SGSM2: variants seen among roughly 807,000 people sequenced by gnomAD.
The protein encoded by SGSM2 is small G protein signaling modulator 2.
A neutral mutation model predicts 126.6 loss-of-function variants in SGSM2; 89 were observed. The ratio of observed to expected loss-of-function variants is 0.70; its 90% CI spans 0.59 to 0.84. The LOEUF is 0.84. Ranked by LOEUF, SGSM2 falls within the 40% of genes least tolerant of loss-of-function variation. The pLI is 0.00. For synonymous variants in SGSM2, 614 were observed against 574.3 expected, an observed-to-expected ratio of 1.07 and a Z score of -0.99; for missense variants, 1,404 against 1,416.6, an observed-to-expected ratio of 0.99 and a Z score of 0.14.
In SGSM2 at chr17:2,362,841, G is replaced by A. The variant is rs1211851269; in HGVS notation, c.462G>A (p.Lys154=). ...VVQYLAENCS[K]YYEKEALLAD... is the part of the protein sequence containing the mutation. ...CACACTGTCTGTCTCCTGGCAGCAA[G>A]TACTACGAGAAGGAGGCACTGCTGG... is the stretch of plus-strand genomic sequence containing the variant. Residue 154 remains lysine, a synonymous_variant, in exon 5 of 24, where the codon AAG becomes AAA. Coordinates refer to ENST00000268989, the MANE Select transcript of SGSM2 (RefSeq NM_014853.3). This position sits in a 1 kb window ranked among gnomAD's most constrained non-coding sequence, Gnocchi z 4.9. 1.2e-6 allele frequency: 2 copies of A among 1,614,080 alleles called. No homozygotes were observed. The highest frequency in any genetic ancestry group is 2.7e-5 in the African/African-American group (2 of 75,060).
At chr17:2,343,419 T>C in intron 1 of SGSM2, 126 bp from the exon 2 acceptor site, 1 of 854,008 alleles carries the variant, frequency 1.2e-6, no homozygotes, top group East Asian at 2.4e-5. Flanking sequence ...CTTTCATCCC[T>C]GTCATCTCTG....
rs187387612 is a variant in SGSM2 at position 2,366,369 on chromosome 17, G to A, written c.1289-902G>A. 2.6e-5 allele frequency among the ~76,000 whole-genome samples: 4 copies of A among 152,272 alleles called. No individual in the cohort carries two copies. In the East Asian group the frequency reaches 7.7e-4, roughly 29 times the overall value. ...ACTTGCTTTTCTTACAGATAAGGTC[G>A]GGGAATTTGCCAGCCCAGAGCGTTT... On this transcript the variant is annotated intron_variant, in intron 11 of 23. Coordinates refer to ENST00000268989, the MANE Select transcript of SGSM2 (RefSeq NM_014853.3).
intron 1 of SGSM2, among the ~76,000 whole-genome samples, chr17:2,342,317 T>C (rs1416890281): frequency 6.7e-6 from 1 of 149,576 alleles, no homozygotes; most frequent in Non-Finnish European, 1.5e-5. Flanking sequence ...CCGGCTACTG[T>C]GGAGGCTGAG....
Position 2,379,487 on chromosome 17 carries a change from C to A in SGSM2, c.3123C>A (p.Val1041=). The stretch of plus-strand genomic sequence containing the variant: ...TCCTGCGGATTGCCCGGGACCTCGT[C>A]CACAAGGTGCAGATGCTCATAGAGA... The part of the protein sequence containing the change: ...QEILRIARDL[V]HKVQMLIENK The change falls in exon 24 of 24, where the codon GTC becomes GTA. Residue 1041 remains valine, a synonymous_variant. Transcript: ENST00000268989. The A allele has an allele frequency of 1.2e-6, 2 of 1,613,636 alleles. No homozygotes were observed. The highest frequency in any genetic ancestry group is 1.7e-6 in the Non-Finnish European group (2 of 1,179,772).
chr17:2,374,819 T>A (rs1241673842), intron 17 of SGSM2, among the ~76,000 whole-genome samples: 1 of 152,114 alleles, frequency 6.6e-6, no homozygotes, highest in East Asian at 1.9e-4. Context: ...CTGCCCAAAG[T>A]AGAAACTACT....
Position 2,362,915 on chromosome 17 carries a change from A to C in SGSM2, c.526+10A>C. 1 of 1,614,186 alleles carries C rather than the reference A, an allele frequency of 6.2e-7. No homozygotes were observed. Among genetic ancestry groups the C allele is most frequent in the Non-Finnish European group, 8.5e-7 (1 of 1,180,024 alleles). On this transcript the variant is annotated intron_variant, in intron 5 of 23. Coordinates refer to ENST00000268989, the MANE Select transcript of SGSM2 (RefSeq NM_014853.3). The surrounding 1 kb of genome is among the most constrained non-coding windows in gnomAD (Gnocchi z 4.9). ...CTGGCCTCTCTTCTAGGTGAGCCTG[A>C]GAGCACAGGCACAGTGGGTACGGGG...
At chr17:2,349,057 C>G (rs1430936574) in intron 2 of SGSM2, among the ~76,000 whole-genome samples, 2 of 151,868 alleles carry the variant, frequency 1.3e-5, no homozygotes, top group African/African-American at 2.4e-5. Flanking sequence ...AGCCACCACC[C>G]CACCCCACAT....
intron 2 of SGSM2, 106 bp from the exon 3 acceptor site, chr17:2,361,531 G>T (rs1459509388): frequency 6.4e-6 from 9 of 1,412,284 alleles, no homozygotes; most frequent in Non-Finnish European, 7.8e-6. Flanking sequence ...GCCTGCCCTT[G>T]GCTTGCCCTT....
intron 18 of SGSM2, 117 bp from the exon 19 acceptor site, chr17:2,376,020 C>T: frequency 3.2e-6 from 5 of 1,541,304 alleles, no homozygotes; most frequent in Non-Finnish European, 2.6e-6. Context: ...AGCATCCCCA[C>T]AGGACTCGCT....
chr17:2,352,608 A>T (rs537054907), intron 2 of SGSM2, among the ~76,000 whole-genome samples: 2 of 151,952 alleles, frequency 1.3e-5, no homozygotes, highest in African/African-American at 4.8e-5. Flanking sequence ...AGTGGTTCCC[A>T]CTGTTACCAG....
chr17:2,373,599 C>A, intron 17 of SGSM2, 86 bp downstream of exon 17: 1 of 1,279,330 alleles, frequency 7.8e-7, no homozygotes, highest in African/African-American at 1.5e-5. Flanking sequence ...AGCCTGACCT[C>A]TGGGAACTGG....
In SGSM2 at chr17:2,372,825, A is replaced by G. The variant is rs1266997071; in HGVS notation, c.1789-128A>G. On this transcript the variant is annotated intron_variant, in intron 15 of 23. Coordinates refer to ENST00000268989, the MANE Select transcript of SGSM2 (RefSeq NM_014853.3). The surrounding 1 kb of genome is among the most constrained non-coding windows in gnomAD (Gnocchi z 6.0). ...CGGGAGGACGTGGCCACCCCAAAGC[A>G]GGCCTTGCCTGGGCTTCAGCAGTCA... 2 of 1,308,122 alleles carry G rather than the reference A, an allele frequency of 1.5e-6. No homozygotes were observed. Among genetic ancestry groups the G allele is most frequent in the African/African-American group, 1.5e-5 (1 of 67,100 alleles). The allele number at this position is 1,308,122 out of a possible 1,614,324, so 81.0% of individuals were successfully genotyped here.
At chr17:2,377,234 C>A (rs548168336) in intron 21 of SGSM2, 166 bp downstream of exon 21, 7 of 576,986 alleles carry the variant, frequency 1.2e-5, no homozygotes, top group Non-Finnish European at 2.1e-5. Context: ...GCCTGTCATC[C>A]CAGCAATTTA....
Position 2,361,645 on chromosome 17 carries a change from G to A in SGSM2, c.142G>A (p.Glu48Lys). ...SHIIALCGAV[E>K]ACLLHQLRRR... ...TTCCCTTTGTGGCCTAGGTGCAGTGGAGGCTTGCCTCTTGCATCAGCTGAG... is the reference window on the plus strand; with the variant it reads ...TTCCCTTTGTGGCCTAGGTGCAGTGAAGGCTTGCCTCTTGCATCAGCTGAG... Residue 48 changes from glutamate (E) to lysine (K), a missense_variant, in exon 3 of 24, where the codon GAG (glutamate) becomes AAG (lysine). Coordinates refer to ENST00000268989, the MANE Select transcript of SGSM2 (RefSeq NM_014853.3). 1 of 1,613,632 alleles carries A rather than the reference G, an allele frequency of 6.2e-7. No individual in the cohort carries two copies. The highest frequency in any genetic ancestry group is 8.5e-7 in the Non-Finnish European group (1 of 1,179,932).
chr17:2,338,194 C>G (rs1308531931), intron 1 of SGSM2, among the ~76,000 whole-genome samples: 2 of 152,154 alleles, frequency 1.3e-5, no homozygotes, highest in East Asian at 1.9e-4. Context: ...TGAGCTCCCC[C>G]TTGTCCGACG....
chr17:2,351,547 G>A (rs1038472315), intron 2 of SGSM2, among the ~76,000 whole-genome samples: 6 of 152,120 alleles, frequency 3.9e-5, no homozygotes, highest in African/African-American at 4.8e-5. Context: ...CTGGGTAGCC[G>A]CCATGAGCAC....
intron 2 of SGSM2, among the ~76,000 whole-genome samples, chr17:2,353,226 C>G (rs2064947927): frequency 6.6e-6 from 1 of 152,032 alleles, no homozygotes; most frequent in Non-Finnish European, 1.5e-5. Context: ...ACATGCGCCC[C>G]CTAGTGGTGG....
rs1474502063 is a variant in SGSM2 at position 2,376,781 on chromosome 17, T to C, written c.2658T>C (p.Asp886=). The C allele has an allele frequency of 1.9e-6, 3 of 1,614,084 alleles. No homozygotes were observed. The highest frequency in any genetic ancestry group is 2.2e-5 in the East Asian group (1 of 44,878). The change falls in exon 20 of 24, where the codon GAT becomes GAC. Residue 886 remains aspartate, a synonymous_variant. Coordinates refer to ENST00000268989, the MANE Select transcript of SGSM2 (RefSeq NM_014853.3). ...LDVGYVQGMC[D]LLAPLLVTLD... ...TGGGCTATGTGCAGGGCATGTGCGA[T>C]CTGCTGGCGCCTCTCCTGGTCACCC...
Position 2,379,732 on chromosome 17 carries a change from G to T in SGSM2, c.*212G>T. 1 of 1,402,828 alleles carries T rather than the reference G, an allele frequency of 7.1e-7. No individual in the cohort carries two copies. Among genetic ancestry groups the T allele is most frequent in the South Asian group, 1.6e-5 (1 of 63,028 alleles). The allele number at this position is 1,402,828 out of a possible 1,614,324, so 86.9% of individuals were successfully genotyped here. On this transcript the variant is annotated 3_prime_UTR_variant, in exon 24 of 24. Coordinates refer to ENST00000268989, the MANE Select transcript of SGSM2 (RefSeq NM_014853.3). ...CTCGGATCAGGGCCGGGATGGGAGG[G>T]GTCAGCCTCAGGGAGCAGCTGCCTT...
Sources: gnomAD v4.1 joint callset for allele counts (sites outside exome capture counted in the v4.1 genomes callset) on GRCh38, gnomAD v4.1.1 for gene constraint, Gnocchi (gnomAD v3.1) non-coding constraint, MANE v1.5 for transcripts, NCBI Gene and HGNC (gene_info 2026-07-23, HGNC 2026-07-21) for gene names.